UNC79: variants seen among roughly 807,000 people sequenced by gnomAD.
The protein encoded by UNC79 is unc-79 subunit of NALCN channel complex, also known as protein unc-79 homolog.
A neutral mutation model predicts 283.1 loss-of-function variants in UNC79; 37 were observed. The ratio of observed to expected loss-of-function variants is 0.13; its 90% CI spans 0.10 to 0.17. The LOEUF (loss-of-function observed/expected upper bound fraction) is 0.17, where lower values mean the gene tolerates loss of function less well. UNC79 is among the 10% of genes least tolerant of loss of function. The pLI is 1.00. For missense variants in UNC79, 2,272 were observed against 3,211.1 expected, an observed-to-expected ratio of 0.71 and a Z score of 7.07; for synonymous variants, 1,107 against 1,200.2, an observed-to-expected ratio of 0.92 and a Z score of 1.61.
intron 30 of UNC79, among the ~76,000 whole-genome samples, chr14:93,628,175 A>T (rs1225024954): frequency 2.6e-5 from 4 of 152,212 alleles, no homozygotes; most frequent in Non-Finnish European, 5.9e-5. Flanking sequence ...ATAGCAAAAC[A>T]CAAGTTCTTT....
chr14:93,627,441 G>C (rs904368196), intron 30 of UNC79, among the ~76,000 whole-genome samples: 1 of 152,104 alleles, frequency 6.6e-6, no homozygotes, highest in Non-Finnish European at 1.5e-5. Flanking sequence ...TATTTAGTTC[G>C]AGAGTCTACA....
At chr14:93,610,736 G>T (rs940067934) in intron 26 of UNC79, among the ~76,000 whole-genome samples, 1 of 151,744 alleles carries the variant, frequency 6.6e-6, no homozygotes, top group South Asian at 2.1e-4. Flanking sequence ...TCAGCCTCCC[G>T]AGTAGCTGGG....
At chr14:93,465,554 A>G (rs1194654396) in intron 1 of UNC79, among the ~76,000 whole-genome samples, 1 of 152,216 alleles carries the variant, frequency 6.6e-6, no homozygotes, top group Non-Finnish European at 1.5e-5. Context: ...ATATTTGGGT[A>G]CCTGTGGAAA....
At chr14:93,393,896 A>G (rs1203519399) in intron 1 of UNC79, among the ~76,000 whole-genome samples, 1 of 151,652 alleles carries the variant, frequency 6.6e-6, no homozygotes, top group African/African-American at 2.4e-5. Flanking sequence ...GGGAGTTACT[A>G]TTGTCCCCTA....
At chr14:93,634,766 A>G (rs1443673406) in intron 31 of UNC79, 129 bp downstream of exon 34, 1 of 841,396 alleles carries the variant, frequency 1.2e-6, no homozygotes, top group Non-Finnish European at 1.9e-6. Context: ...ATTTTTCAAA[A>G]CCACCTAAGG....
chr14:93,608,758 C>T (rs1887195), intron 26 of UNC79, among the ~76,000 whole-genome samples: 105,546 of 152,070 alleles, frequency 0.69, 36,920 homozygotes, highest in Admixed American at 0.72. Context: ...CATAGAGAAA[C>T]GTTCCAATAT....
chr14:93,655,424 G>A lies in UNC79; in HGVS notation c.6456+17G>A, dbSNP rs11626422. ...CCTCTGAAGGTAAGCTGAGCCGAAG[G>A]TTTCATTTTCAATTAATTTCTTACC... On this transcript the variant is annotated intron_variant, in intron 38 of 48. Transcript: ENST00000555664. The A allele has an allele frequency of 0.057, 91,220 of 1,607,042 alleles. 5,684 individuals are homozygous for A. The highest frequency in any genetic ancestry group is 0.32 in the African/African-American group (23,728 of 74,400).
chr14:93,544,830 C>T (rs75849300), intron 14 of UNC79, among the ~76,000 whole-genome samples: 4,837 of 152,262 alleles, frequency 0.032, 95 homozygotes, highest in South Asian at 0.073. Flanking sequence ...CATGTTTAGA[C>T]GGTGGAGTGA....
intron 31 of UNC79, among the ~76,000 whole-genome samples, chr14:93,632,152 A>G (rs1031736352): frequency 1.3e-5 from 2 of 152,222 alleles, no homozygotes; most frequent in Non-Finnish European, 2.9e-5. Context: ...AGCCATGTTC[A>G]TTTTTAGTAT....
chr14:93,504,313 T>C (rs1287308515), intron 7 of UNC79, among the ~76,000 whole-genome samples: 4 of 151,978 alleles, frequency 2.6e-5, no homozygotes, highest in African/African-American at 7.2e-5. Flanking sequence ...TGCCTATTCC[T>C]AGCTGTTTGC....
chr14:93,610,245 T>C (rs1299905801), intron 26 of UNC79, among the ~76,000 whole-genome samples: 1 of 152,182 alleles, frequency 6.6e-6, no homozygotes, highest in Non-Finnish European at 1.5e-5. Flanking sequence ...GCTCCCTTTC[T>C]TCTGTATTGA....
chr14:93,599,492 G>C (rs1462008366), intron 24 of UNC79, among the ~76,000 whole-genome samples: 3 of 152,088 alleles, frequency 2.0e-5, no homozygotes, highest in Admixed American at 2.0e-4. Flanking sequence ...GGGTTATGCT[G>C]CCTGTGGCAC....
At chr14:93,643,690 G>T (rs764864719) in exon 34 of UNC79, 2 of 1,612,488 alleles carry the variant, frequency 1.2e-6, no homozygotes, top group South Asian at 2.2e-5. Flanking sequence ...CATGCAGTCT[G>T]TGGGAAGGTG....
chr14:93,533,053 C>T (rs2060903872), intron 11 of UNC79, among the ~76,000 whole-genome samples: 1 of 151,748 alleles, frequency 6.6e-6, no homozygotes, highest in East Asian at 1.9e-4. Context: ...AAAGATTCTT[C>T]CTTTAATATT....
At chr14:93,352,160 C>T (rs1248877724) in intron 1 of UNC79, among the ~76,000 whole-genome samples, 2 of 152,212 alleles carry the variant, frequency 1.3e-5, no homozygotes, top group African/African-American at 2.4e-5. Flanking sequence ...GATCTATCTT[C>T]GCTGTTCACT....
exon 25 of UNC79, chr14:93,600,754 A>G (rs1487475374): frequency 1.2e-6 from 2 of 1,613,010 alleles, no homozygotes; most frequent in Non-Finnish European, 8.5e-7. Flanking sequence ...GTAACAAGGA[A>G]TTTCCTTTTC....
At chr14:93,481,036 G>C (rs750192514) in intron 4 of UNC79, among the ~76,000 whole-genome samples, 1 of 152,108 alleles carries the variant, frequency 6.6e-6, no homozygotes, top group Non-Finnish European at 1.5e-5. Flanking sequence ...AGGTATTGCA[G>C]CTCTTCAGAG....
chr14:93,406,253 T>C (rs1387873022), intron 1 of UNC79, among the ~76,000 whole-genome samples: 2 of 152,060 alleles, frequency 1.3e-5, no homozygotes, highest in African/African-American at 4.8e-5. Flanking sequence ...TATATTAGGA[T>C]CAAGTTTATT....
chr14:93,705,478 G>A (rs984179029), intron 48 of UNC79, among the ~76,000 whole-genome samples: 1 of 152,048 alleles, frequency 6.6e-6, no homozygotes, highest in Non-Finnish European at 1.5e-5. Context: ...GTTATGACAG[G>A]ACAACCTCAA....
Sources: allele counts gnomAD v4.1 joint callset (sites outside exome capture counted in the v4.1 genomes callset), GRCh38; gene constraint gnomAD v4.1.1; transcripts MANE v1.5; gene names NCBI Gene and HGNC (gene_info 2026-07-23, HGNC 2026-07-21).